Variants in ST8SIA2 observed in about 807,000 individuals in gnomAD.
The protein encoded by ST8SIA2 is alpha-2,8-sialyltransferase 8B.
A neutral mutation model predicts 37.6 loss-of-function variants in ST8SIA2; 22 were observed. The ratio of observed to expected loss-of-function variants is 0.58; its 90% CI spans 0.42 to 0.83. ST8SIA2 has a LOEUF of 0.83. Among genes scored for constraint, ST8SIA2 ranks in the 40% least tolerant of loss-of-function variants. The probability of loss-of-function intolerance (pLI) is 0.00; values close to 1 mark genes in which losing one functional copy is unlikely to be tolerated. For missense variants in ST8SIA2, 382 were observed against 484.7 expected (o/e 0.79, Z 1.99); for synonymous variants, 205 against 201.2 (o/e 1.02, Z -0.16).
intron 1 of ST8SIA2, among the ~76,000 whole-genome samples, chr15:92,419,696 T>G (rs1284421105): frequency 6.6e-6 from 1 of 152,204 alleles, no homozygotes; most frequent in Non-Finnish European, 1.5e-5. Context: ...TCTATAGCCA[T>G]GAGCACCATA....
intron 1 of ST8SIA2, among the ~76,000 whole-genome samples, chr15:92,398,948 A>C (rs989080008): frequency 1.3e-5 from 2 of 152,240 alleles, no homozygotes; most frequent in African/African-American, 2.4e-5. Context: ...GTCATTTAGA[A>C]AGACAGAAGG....
intron 1 of ST8SIA2, among the ~76,000 whole-genome samples, chr15:92,409,398 T>G (rs1596231296): frequency 6.6e-6 from 1 of 152,324 alleles, no homozygotes; most frequent in Non-Finnish European, 1.5e-5. Flanking sequence ...GACTTTGGGA[T>G]TTGTGGTCTT....
At chr15:92,444,365 T>G (rs545881381) in intron 4 of ST8SIA2, among the ~76,000 whole-genome samples, 2 of 152,232 alleles carry the variant, frequency 1.3e-5, no homozygotes. Flanking sequence ...GCTTCTTTCC[T>G]CCTCTCCTAG....
chr15:92,442,320 C>A (rs943086918), intron 4 of ST8SIA2, among the ~76,000 whole-genome samples: 8 of 152,194 alleles, frequency 5.3e-5, no homozygotes, highest in African/African-American at 1.9e-4. Context: ...CTGGGGCCTG[C>A]CTGCAAGGAG....
Position 92,393,969 on chromosome 15 carries a change from C to T in ST8SIA2, c.-96C>T. ...GGAGCGCAGGGTGTCTGCCCAGCTG[C>T]GCGCGGCGCGCGGAGGCTCCGGCGT... On this transcript the variant is annotated 5_prime_UTR_variant, in exon 1 of 6. Coordinates refer to ENST00000268164, the MANE Select transcript of ST8SIA2 (RefSeq NM_006011.4). The T allele has an allele frequency of 1.3e-6, 1 of 767,820 alleles. No individual in the cohort carries two copies. The highest frequency in any genetic ancestry group is 1.8e-6 in the Non-Finnish European group (1 of 546,974). 47.6% of individuals were successfully genotyped at this position (767,820 alleles called of 1,614,324 possible). A position where few individuals can be genotyped will look rare whatever the true frequency, so the allele number is the denominator to read the frequency against.
chr15:92,394,159 T>C lies in ST8SIA2; in HGVS notation c.95T>C (p.Ile32Thr). ...GACATCTCAGAGATCGAAGAAGAAA[T>C]CGGGTAAATAGCTGCTCCCAGGCCC... is the stretch of plus-strand genomic sequence containing the variant. ...FADISEIEEEIGNSGGRGTIR... is the reference protein window; with the variant it reads ...FADISEIEEETGNSGGRGTIR... The change falls in exon 1 of 6, where the codon ATC becomes ACC. Residue 32 changes from isoleucine (I) to threonine (T), a missense_variant. Coordinates refer to ENST00000268164, the MANE Select transcript of ST8SIA2 (RefSeq NM_006011.4). 2 of 1,555,004 alleles carry C rather than the reference T, an allele frequency of 1.3e-6. No homozygotes were observed. Among genetic ancestry groups the C allele is most frequent in the Non-Finnish European group, 1.7e-6 (2 of 1,148,160 alleles).
At chr15:92,399,116 G>T (rs1336893549) in intron 1 of ST8SIA2, among the ~76,000 whole-genome samples, 1 of 152,192 alleles carries the variant, frequency 6.6e-6, no homozygotes, top group Non-Finnish European at 1.5e-5. Flanking sequence ...AGACTCTGAG[G>T]TGGAGCCTGG....
At position 92,466,450 on chromosome 15, in the gene ST8SIA2, T is replaced by C. The variant is rs906666397; in HGVS notation, c.*2065T>C. 2.0e-5 allele frequency: 3 copies of C among 152,230 alleles called. No individual in the cohort carries two copies. The highest frequency in any genetic ancestry group is 2.1e-4 in the South Asian group (1 of 4,814). 9.4% of individuals were successfully genotyped at this position (152,230 alleles called of 1,614,324 possible). A position where few individuals can be genotyped will look rare whatever the true frequency, so the allele number is the denominator to read the frequency against. ...GGGCCTTGGTGGATTAACCAAGGCC[T>C]TGGATTCCAGAATGTTTCATGGTAA... On this transcript the variant is annotated 3_prime_UTR_variant, in exon 6 of 6. Coordinates refer to ENST00000268164, the MANE Select transcript of ST8SIA2 (RefSeq NM_006011.4).
At chr15:92,460,780 T>C (rs1596251860) in intron 5 of ST8SIA2, among the ~76,000 whole-genome samples, 1 of 152,366 alleles carries the variant, frequency 6.6e-6, no homozygotes, top group East Asian at 1.9e-4. Flanking sequence ...CTGTTGGGTC[T>C]GCTTCATGAA....
At chr15:92,401,216 A>T (rs1023634185) in intron 1 of ST8SIA2, among the ~76,000 whole-genome samples, 2 of 152,122 alleles carry the variant, frequency 1.3e-5, no homozygotes, top group East Asian at 3.9e-4. Flanking sequence ...GGGCGTGGGG[A>T]CAAGCTCATC....
At chr15:92,401,180 G>A (rs1207483531) in intron 1 of ST8SIA2, among the ~76,000 whole-genome samples, 1 of 152,174 alleles carries the variant, frequency 6.6e-6, no homozygotes, top group Non-Finnish European at 1.5e-5. Flanking sequence ...CACCAGCTGG[G>A]TGAGTCAGGT....
intron 2 of ST8SIA2, among the ~76,000 whole-genome samples, 187 bp from the exon 3 acceptor site, chr15:92,434,060 A>C (rs984079353): frequency 7.9e-5 from 12 of 152,138 alleles, no homozygotes; most frequent in African/African-American, 2.9e-4. Context: ...TGTAGGTTAT[A>C]CCTTAGGGAC....
chr15:92,445,142 A>T, intron 5 of ST8SIA2: 6 of 674,030 alleles, frequency 8.9e-6, no homozygotes, highest in Non-Finnish European at 1.5e-5. Flanking sequence ...ATTTTGACCA[A>T]TGGGTAGTGC....
chr15:92,455,601 C>T (rs919738280), intron 5 of ST8SIA2, among the ~76,000 whole-genome samples: 7 of 152,288 alleles, frequency 4.6e-5, no homozygotes, highest in African/African-American at 1.7e-4. Context: ...TTGACACACA[C>T]CACCTCATTC....
intron 1 of ST8SIA2, among the ~76,000 whole-genome samples, chr15:92,419,292 A>G (rs1031684022): frequency 6.6e-6 from 1 of 152,222 alleles, no homozygotes; most frequent in African/African-American, 2.4e-5. Flanking sequence ...AACAGAGACA[A>G]CTAGTGTAGA....
intron 5 of ST8SIA2, among the ~76,000 whole-genome samples, chr15:92,453,282 C>A (rs2049896447): frequency 6.6e-6 from 1 of 152,090 alleles, no homozygotes; most frequent in African/African-American, 2.4e-5. Context: ...CCTCTCTGAA[C>A]CAGCCACGGG....
chr15:92,425,028 C>T (rs1344355988), intron 1 of ST8SIA2, among the ~76,000 whole-genome samples: 1 of 151,972 alleles, frequency 6.6e-6, no homozygotes, highest in Non-Finnish European at 1.5e-5. Flanking sequence ...AAAAAGTATC[C>T]CCATATGTTT....
At chr15:92,458,605 T>C (rs2049935699) in intron 5 of ST8SIA2, among the ~76,000 whole-genome samples, 1 of 152,206 alleles carries the variant, frequency 6.6e-6, no homozygotes, top group South Asian at 2.1e-4. Context: ...TCCGCAGTCA[T>C]AGTTCTTGAG....
At chr15:92,408,224 C>T (rs972756616) in intron 1 of ST8SIA2, among the ~76,000 whole-genome samples, 4 of 152,164 alleles carry the variant, frequency 2.6e-5, no homozygotes, top group African/African-American at 9.7e-5. Flanking sequence ...GGTGGTCCCA[C>T]CGAGAGGGGA....
Sources: gnomAD v4.1 joint callset for allele counts (sites outside exome capture counted in the v4.1 genomes callset) on GRCh38, gnomAD v4.1.1 for gene constraint, MANE v1.5 for transcripts, NCBI Gene and HGNC (gene_info 2026-07-23, HGNC 2026-07-21) for gene names.